The following KCNQ4 variants were observed in gnomAD, a reference collection of about 807,000 sequenced individuals.
KCNQ4 encodes the protein potassium voltage-gated channel subfamily Q member 4.
KCNQ4 carries 31 observed loss-of-function variants against 72.6 expected under a neutral mutation model. The ratio of observed to expected loss-of-function variants is 0.43; its 90% CI spans 0.32 to 0.58. The LOEUF (loss-of-function observed/expected upper bound fraction) is 0.58, where lower values mean the gene tolerates loss of function less well. Among genes scored for constraint, KCNQ4 ranks in the 20% least tolerant of loss-of-function variants. KCNQ4 has a pLI of 0.08. For synonymous variants in KCNQ4, 405 were observed against 403.7 expected (o/e 1.00, Z -0.04); for missense variants, 869 against 962.6 (o/e 0.90, Z 1.29).
At chr1:40,792,417 C>G (rs1299209309) in intron 1 of KCNQ4, among the ~76,000 whole-genome samples, 1 of 152,202 alleles carries the variant, frequency 6.6e-6, no homozygotes, top group Non-Finnish European at 1.5e-5. Flanking sequence ...CATCCTCTCT[C>G]CATATATCCC....
intron 7 of KCNQ4, 138 bp downstream of exon 7, chr1:40,820,398 G>T: frequency 1.3e-6 from 1 of 769,360 alleles, no homozygotes; most frequent in South Asian, 1.5e-5. Flanking sequence ...GACTTTCCTG[G>T]AGCCACATGC....
At chr1:40,818,791 G>A (rs559769149) in intron 4 of KCNQ4, 111 bp downstream of exon 4, 2 of 1,266,310 alleles carry the variant, frequency 1.6e-6, no homozygotes, top group South Asian at 1.3e-5. Context: ...CTGGGAAGGG[G>A]TGTGGCCTGC....
At position 40,822,388 on chromosome 1, in the gene KCNQ4, C is replaced by A. The variant is rs779107599; in HGVS notation, c.1116C>A (p.Ile372=). The change falls in exon 8 of 14, where the codon ATC becomes ATA. Residue 372 remains isoleucine, a synonymous_variant. Transcript: ENST00000347132. ...LTATWYYYDS[I]LPSFRELALL... ...CCACCTGGTACTACTATGACAGTAT[C>A]CTCCCATCCTTCAGGTAGGTCCTGC... 2.4e-5 allele frequency: 38 copies of A among 1,610,156 alleles called. No individual in the cohort carries two copies. The highest frequency in any genetic ancestry group is 3.1e-5 in the Non-Finnish European group (36 of 1,177,188).
intron 1 of KCNQ4, among the ~76,000 whole-genome samples, chr1:40,801,129 T>G (rs1214535050): frequency 8.4e-5 from 6 of 71,104 alleles, no homozygotes; most frequent in South Asian, 4.1e-4. Flanking sequence ...GGACTGGAGG[T>G]GGGGATAGGG....
chr1:40,806,068 C>T (rs1647749135), intron 1 of KCNQ4, among the ~76,000 whole-genome samples: 1 of 152,166 alleles, frequency 6.6e-6, no homozygotes, highest in East Asian at 1.9e-4. Flanking sequence ...GTCTCGATCT[C>T]CTGACCTCGT....
chr1:40,824,565 C>T (rs182897183), intron 9 of KCNQ4, among the ~76,000 whole-genome samples: 42 of 152,288 alleles, frequency 2.8e-4, no homozygotes, highest in South Asian at 1.7e-3. Flanking sequence ...TCCCACGTCC[C>T]CCTTACTCCT....
intron 1 of KCNQ4, among the ~76,000 whole-genome samples, chr1:40,806,237 C>G (rs1339537893): frequency 6.6e-6 from 1 of 152,332 alleles, no homozygotes; most frequent in South Asian, 2.1e-4. Flanking sequence ...TTTCCACTAG[C>G]CATCTTGCTT....
intron 1 of KCNQ4, among the ~76,000 whole-genome samples, chr1:40,803,162 C>T (rs969766897): frequency 5.3e-5 from 8 of 152,210 alleles, no homozygotes; most frequent in Non-Finnish European, 1.2e-4. Flanking sequence ...AGACCCTCTT[C>T]TGGGGACTCC....
At position 40,817,273 on chromosome 1, in the gene KCNQ4, T is replaced by A; in HGVS notation, c.323T>A (p.Leu108Gln). The A allele has an allele frequency of 6.2e-7, 1 of 1,613,632 alleles. No individual in the cohort carries two copies. The highest frequency in any genetic ancestry group is 1.3e-5 in the African/African-American group (1 of 75,070). ...AFVYHVFIFLLVFSCLVLSVL... is the reference protein window; with the variant it reads ...AFVYHVFIFLQVFSCLVLSVL... ...TCATGTTGTAATTGCAGATTTTTGCTGGTCTTCAGCTGCCTGGTGCTGTCT... is the reference window on the plus strand; with the variant it reads ...TCATGTTGTAATTGCAGATTTTTGCAGGTCTTCAGCTGCCTGGTGCTGTCT... Residue 108 changes from leucine to glutamine, a missense_variant, in exon 2 of 14, where the codon CTG becomes CAG. By Grantham distance (113) the Leu-to-Gln change is moderately radical. This residue lies in a region of KCNQ4 where 178 missense variants were observed against 145.3 expected (regional missense o/e 1.22). Coordinates refer to ENST00000347132, the MANE Select transcript of KCNQ4 (RefSeq NM_004700.4). This position sits in a 1 kb window ranked among gnomAD's most constrained non-coding sequence, Gnocchi z 5.5.
At chr1:40,837,824 C>G (rs369486413) in intron 13 of KCNQ4, 30 bp downstream of exon 13, 2 of 1,592,502 alleles carry the variant, frequency 1.3e-6, no homozygotes, top group Non-Finnish European at 1.7e-6. Context: ...GCGGAGCTGG[C>G]CATACCAAGA....
At chr1:40,834,827 G>C (rs1318411816) in intron 11 of KCNQ4, 140 bp from the exon 12 acceptor site, 1 of 1,102,496 alleles carries the variant, frequency 9.1e-7, no homozygotes, top group Non-Finnish European at 1.3e-6. Flanking sequence ...GAGGCTGGGA[G>C]ACGCAGCAGA....
intron 9 of KCNQ4, among the ~76,000 whole-genome samples, chr1:40,825,402 G>A (rs1422702491): frequency 6.6e-6 from 1 of 152,228 alleles, no homozygotes; most frequent in Admixed American, 6.5e-5. Flanking sequence ...CGGAAAATCG[G>A]CAGTGTTTAG....
intron 1 of KCNQ4, among the ~76,000 whole-genome samples, chr1:40,809,144 C>T (rs1300110565): frequency 2.0e-5 from 3 of 152,222 alleles, no homozygotes; most frequent in African/African-American, 4.8e-5. Context: ...ATGTTCTTCA[C>T]GTGGCCTCTC....
rs979197528 is a variant in KCNQ4 at position 40,835,020 on chromosome 1, A to G, written c.1667A>G (p.Tyr556Cys). 5.0e-6 allele frequency: 8 copies of G among 1,614,002 alleles called. No homozygotes were observed. In the African/African-American group the frequency reaches 6.7e-5, roughly 13 times the overall value. Residue 556 changes from tyrosine to cysteine, a missense_variant, in exon 12 of 14, where the codon TAC (tyrosine) becomes TGC (cysteine). Tyr to Cys is a radical substitution (Grantham distance 194, BLOSUM62 -2). Around this residue, in one of 5 missense-constraint regions of KCNQ4, gnomAD observed 480 missense variants for 501.9 expected, o/e 0.96. Coordinates refer to ENST00000347132, the MANE Select transcript of KCNQ4 (RefSeq NM_004700.4). ...KRKFKETLRP[Y>C]DVKDVIEQYS... ...AAATTCAAGGAGACACTGCGACCGT[A>G]CGACGTGAAGGACGTCATTGAGCAG...
chr1:40,799,610 C>T (rs1244195617), intron 1 of KCNQ4, among the ~76,000 whole-genome samples: 1 of 152,230 alleles, frequency 6.6e-6, no homozygotes, highest in Non-Finnish European at 1.5e-5. Flanking sequence ...GGCAGGAGGC[C>T]CTGGCAGCAC....
Position 40,824,105 on chromosome 1 carries a change from C to T in KCNQ4, c.1139C>T (p.Ala380Val). 1.3e-6 allele frequency: 2 copies of T among 1,553,130 alleles called. No individual in the cohort carries two copies. Among genetic ancestry groups the T allele is most frequent in the Non-Finnish European group, 8.7e-7 (1 of 1,148,678 alleles). Residue 380 changes from alanine to valine, a missense_variant, in exon 9 of 14, where the codon GCC becomes GTC. Around this residue, in one of 5 missense-constraint regions of KCNQ4, gnomAD observed 480 missense variants for 501.9 expected, o/e 0.96. Transcript: ENST00000347132. Reference protein sequence around the residue: ...DSILPSFRELALLFEHVQRAR... With the variant: ...DSILPSFRELVLLFEHVQRAR... ...GGTGCCCTCTCCTGCAGAGAGCTGG[C>T]CCTCTTGTTTGAGCACGTGCAACGG...
rs1205492134 is a variant in KCNQ4, at chr1:40,818,663, G to A, written c.691G>A (p.Val231Ile). The A allele has an allele frequency of 6.2e-7, 1 of 1,604,304 alleles. No homozygotes were observed. The change falls in exon 4 of 14, where the codon GTC becomes ATC. Residue 231 changes from valine to isoleucine, a missense_variant. Val to Ile is a conservative substitution (Grantham distance 29, BLOSUM62 3). This residue lies in a region of KCNQ4 where 179 missense variants were observed against 243.0 expected (regional missense o/e 0.74). Coordinates refer to ENST00000347132, the MANE Select transcript of KCNQ4 (RefSeq NM_004700.4). ...GGTWKLLGSV[V>I]YAHSKELITA... ...CACCTGGAAGCTGCTGGGCTCAGTG[G>A]TCTACGCGCATAGCAAGGTGAGGCC... is the stretch of plus-strand genomic sequence containing the variant.
At chr1:40,802,438 A>G in intron 1 of KCNQ4, among the ~76,000 whole-genome samples, 1 of 152,096 alleles carries the variant, frequency 6.6e-6, no homozygotes, top group South Asian at 2.1e-4. Flanking sequence ...TCGGAGCCGC[A>G]GCACCGCCCC....
chr1:40,837,687 G>A lies in KCNQ4; in HGVS notation c.1768G>A (p.Gly590Arg). Residue 590 changes from glycine to arginine, a missense_variant, in exon 13 of 14, where the codon GGG (glycine) becomes AGG (arginine). By Grantham distance (125) the Gly-to-Arg change is moderately radical. Transcript: ENST00000347132. ...TAGGGTGGACCAAATTGTGGGTCGGGGGCCCGGGGACAGGAAGGCCCGGGA... is the reference window on the plus strand; with the variant it reads ...TAGGGTGGACCAAATTGTGGGTCGGAGGCCCGGGGACAGGAAGGCCCGGGA... The part of the protein sequence containing the change: ...QTRVDQIVGR[G>R]PGDRKAREKG... 3 of 1,613,462 alleles carry A rather than the reference G, an allele frequency of 1.9e-6. No individual in the cohort carries two copies. The highest frequency in any genetic ancestry group is 2.5e-6 in the Non-Finnish European group (3 of 1,179,840).
Sources: gnomAD v4.1 joint callset for allele counts (sites outside exome capture counted in the v4.1 genomes callset) on GRCh38, gnomAD v4.1.1 for gene constraint, gnomAD v4.1.1 regional missense constraint, Gnocchi (gnomAD v3.1) non-coding constraint, MANE v1.5 for transcripts, NCBI Gene and HGNC (gene_info 2026-07-23, HGNC 2026-07-21) for gene names.